The following ADGRB3 variants were observed in gnomAD, a reference collection of about 807,000 sequenced individuals.
ADGRB3 encodes brain-specific angiogenesis inhibitor 3.
Under a neutral mutation model 193.4 loss-of-function variants are expected in ADGRB3, and 37 were observed. The observed-to-expected ratio is 0.19, with a 90% CI of 0.15 to 0.25. The LOEUF (loss-of-function observed/expected upper bound fraction) is 0.25, where lower values mean the gene tolerates loss of function less well. Among genes scored for constraint, ADGRB3 ranks in the 10% least tolerant of loss-of-function variants. ADGRB3 has a pLI of 1.00. For missense variants in ADGRB3, 1,637 were observed against 1,852.9 expected, an observed-to-expected ratio of 0.88 and a Z score of 2.14; for synonymous variants, 690 against 644.2, an observed-to-expected ratio of 1.07 and a Z score of -1.08.
At chr6:68,860,607 C>CAT (rs938804812) in intron 3 of ADGRB3, among the ~76,000 whole-genome samples, 17 of 152,184 alleles carry the variant, frequency 1.1e-4, no homozygotes, top group South Asian at 6.2e-4. Flanking sequence ...TGGTGTATAC[C>CAT]ATATATATAT....
At chr6:68,958,826 T>C (rs1326401180) in intron 8 of ADGRB3, among the ~76,000 whole-genome samples, 1 of 151,804 alleles carries the variant, frequency 6.6e-6, no homozygotes, top group Non-Finnish European at 1.5e-5. Flanking sequence ...TTGAATCAGC[T>C]AAATAATTTA....
At position 69,157,553 on chromosome 6, in the gene ADGRB3, T is replaced by G. The variant is rs561032133; in HGVS notation, c.2481-75737T>G. Among the ~76,000 whole-genome samples the G allele has an allele frequency of 2.6e-5, 4 of 152,230 alleles. No individual in the cohort carries two copies. In the East Asian group the frequency reaches 7.7e-4, roughly 29 times the overall value. ...CACATACATTCTATCCCAGACTTCATTTCTGGGTTTGGTCCTGTGATTCTA... is the reference window on the plus strand; with the variant it reads ...CACATACATTCTATCCCAGACTTCAGTTCTGGGTTTGGTCCTGTGATTCTA... On this transcript the variant is annotated intron_variant, in intron 17 of 31. Coordinates refer to ENST00000370598, the MANE Select transcript of ADGRB3 (RefSeq NM_001704.3).
At chr6:69,322,149 C>T (rs1397887426) in intron 20 of ADGRB3, among the ~76,000 whole-genome samples, 1 of 151,938 alleles carries the variant, frequency 6.6e-6, no homozygotes, top group Non-Finnish European at 1.5e-5. Context: ...TAATGGCCTC[C>T]ACCTCCATCC....
intron 17 of ADGRB3, among the ~76,000 whole-genome samples, chr6:69,190,574 G>C (rs964610240): frequency 4.6e-5 from 7 of 151,858 alleles, no homozygotes; most frequent in South Asian, 2.1e-4. Context: ...AACAAAGTAA[G>C]GTTAATTTAT....
intron 6 of ADGRB3, among the ~76,000 whole-genome samples, chr6:68,954,843 G>A (rs1007175141): frequency 6.6e-6 from 1 of 151,876 alleles, no homozygotes; most frequent in African/African-American, 2.4e-5. Context: ...ACCATACCCG[G>A]CTAATTTTTT....
intron 20 of ADGRB3, among the ~76,000 whole-genome samples, chr6:69,276,989 C>CT (rs1213850205): frequency 0.033 from 4,621 of 141,456 alleles, 217 homozygotes; most frequent in African/African-American, 0.11. Flanking sequence ...TATAGTCTTT[C>CT]TTTTTTTTTT....
At chr6:68,977,273 A>C (rs1160979450) in intron 10 of ADGRB3, among the ~76,000 whole-genome samples, 3 of 151,912 alleles carry the variant, frequency 2.0e-5, no homozygotes, top group African/African-American at 7.2e-5. Context: ...ATTAGGTATA[A>C]GTAAAAATGT....
chr6:69,269,026 T>G (rs1393685549), intron 20 of ADGRB3, among the ~76,000 whole-genome samples: 3 of 152,170 alleles, frequency 2.0e-5, no homozygotes, highest in African/African-American at 7.2e-5. Context: ...TATTGAGCAT[T>G]TACTTTGTGC....
At chr6:69,074,674 A>G (rs1772175984) in intron 16 of ADGRB3, among the ~76,000 whole-genome samples, 1 of 151,482 alleles carries the variant, frequency 6.6e-6, no homozygotes, top group Non-Finnish European at 1.5e-5. Flanking sequence ...CCTCCAGAGT[A>G]GCTGGGACTA....
chr6:68,920,447 G>A (rs978783205), intron 3 of ADGRB3, among the ~76,000 whole-genome samples: 8 of 149,704 alleles, frequency 5.3e-5, no homozygotes, highest in Non-Finnish European at 1.2e-4. Flanking sequence ...GAACCCGGGA[G>A]GCGGAGCTTG....
chr6:69,210,959 CAA>C (rs553778800), intron 17 of ADGRB3, among the ~76,000 whole-genome samples: 13 of 141,754 alleles, frequency 9.2e-5, no homozygotes, highest in Admixed American at 2.8e-4. Flanking sequence ...ACCAAAAATA[CAA>C]AAAAAAAAAA....
rs138885444 is a variant in ADGRB3 at position 68,922,953 on chromosome 6, T to C, written c.758-7606T>C. 3.8e-3 allele frequency among the ~76,000 whole-genome samples: 582 copies of C among 152,280 alleles called. 5 individuals are homozygous for C. Among genetic ancestry groups the C allele is most frequent in the African/African-American group, 0.012 (501 of 41,584 alleles). ...TTAATTGATTAAAGGAATTTTTACG[T>C]AGTAGAAAAATACTGAAAATATTTT... is the stretch of plus-strand genomic sequence containing the variant. On this transcript the variant is annotated intron_variant, in intron 3 of 31. Coordinates refer to ENST00000370598, the MANE Select transcript of ADGRB3 (RefSeq NM_001704.3).
chr6:68,777,430 AT>A (rs1766769050), intron 3 of ADGRB3, among the ~76,000 whole-genome samples: 1 of 152,090 alleles, frequency 6.6e-6, no homozygotes, highest in African/African-American at 2.4e-5. Flanking sequence ...GAATATCTCT[AT>A]ACTTTGGTTA....
At chr6:69,146,478 G>C (rs957465258) in intron 17 of ADGRB3, among the ~76,000 whole-genome samples, 2 of 152,190 alleles carry the variant, frequency 1.3e-5, no homozygotes, top group Admixed American at 6.5e-5. Context: ...CAGAGGGTGG[G>C]GCTCCTGCCT....
At position 69,361,385 on chromosome 6, in the gene ADGRB3, A is replaced by T. The variant is rs1769448222; in HGVS notation, c.4112A>T (p.Glu1371Val). The T allele has an allele frequency of 6.2e-7, 1 of 1,612,960 alleles. No individual in the cohort carries two copies. Residue 1371 changes from glutamate to valine, a missense_variant, in exon 29 of 32, where the codon GAA becomes GTA. Physicochemically the swap from Glu to Val is moderately radical, Grantham distance 121. This residue lies in a region of ADGRB3 where 368 missense variants were observed against 367.4 expected (regional missense o/e 1.00). Coordinates refer to ENST00000370598, the MANE Select transcript of ADGRB3 (RefSeq NM_001704.3). ...TTAGAGCAACATCTCGCACCCCAGG[A>T]ACATATGCAGAATTTGCCCTTTGAA... ...MNLEQHLAPQ[E>V]HMQNLPFEPR...
intron 3 of ADGRB3, among the ~76,000 whole-genome samples, chr6:68,775,751 T>C (rs905740041): frequency 3.3e-5 from 5 of 152,238 alleles, no homozygotes; most frequent in African/African-American, 4.8e-5. Flanking sequence ...CAACACAAAT[T>C]ATGACCTAGC....
chr6:69,163,229 C>G (rs1278529517), intron 17 of ADGRB3, among the ~76,000 whole-genome samples: 1 of 152,104 alleles, frequency 6.6e-6, no homozygotes, highest in African/African-American at 2.4e-5. Context: ...ATTCCCCAGA[C>G]AGAAGCTCAA....
intron 3 of ADGRB3, among the ~76,000 whole-genome samples, chr6:68,648,824 A>G (rs183652772): frequency 6.6e-6 from 1 of 151,558 alleles, no homozygotes; most frequent in African/African-American, 2.4e-5. Context: ...TTATGTACCT[A>G]AACACTAATA....
intron 3 of ADGRB3, among the ~76,000 whole-genome samples, chr6:68,821,315 T>C (rs1186298668): frequency 1.3e-5 from 2 of 152,006 alleles, no homozygotes; most frequent in Non-Finnish European, 2.9e-5. Flanking sequence ...AGTCAGGGAT[T>C]TTACATAAGC....
Sources: allele counts gnomAD v4.1 joint callset (sites outside exome capture counted in the v4.1 genomes callset), GRCh38; gene constraint gnomAD v4.1.1; regional missense constraint gnomAD v4.1.1; transcripts MANE v1.5; gene names NCBI Gene and HGNC (gene_info 2026-07-23, HGNC 2026-07-21).